The following IARS2 variants were observed in gnomAD, a reference collection of about 807,000 sequenced individuals.
The protein encoded by IARS2 is isoleucine--tRNA ligase, mitochondrial.
In IARS2, 56 loss-of-function variants were observed where a neutral mutation model predicts 126.3. The observed-to-expected ratio is 0.44, with a 90% CI of 0.36 to 0.55. The LOEUF is 0.55. Among genes scored for constraint, IARS2 ranks in the 20% least tolerant of loss-of-function variants. The probability of loss-of-function intolerance (pLI) is 0.00; values close to 1 mark genes in which losing one functional copy is unlikely to be tolerated. For synonymous variants in IARS2, 407 were observed against 441.1 expected (o/e 0.92, Z 0.97); for missense variants, 1,127 against 1,245.9 (o/e 0.90, Z 1.44).
In IARS2 at chr1:220,102,118, C is replaced by CT. The variant is rs574253271; in HGVS notation, c.551-3dup. On this transcript the variant is annotated splice_polypyrimidine_tract_variant and intron_variant, in intron 3 of 22. Coordinates refer to ENST00000366922, the MANE Select transcript of IARS2 (RefSeq NM_018060.4). ...TGGTTTTTTAAAATCTTTTTTTCGT[C>CT]TTTTTTTTAGCTAGATCATTTGCTA... 3.3e-5 allele frequency: 52 copies of CT among 1,585,262 alleles called. No homozygotes were observed. Among genetic ancestry groups the CT allele is most frequent in the South Asian group, 7.0e-5 (6 of 85,934 alleles).
rs200410224 is a variant in IARS2, at chr1:220,125,228, C to T, written c.1641-9C>T. 15 of 1,572,362 alleles carry T rather than the reference C, an allele frequency of 9.5e-6. No homozygotes were observed. Among genetic ancestry groups the T allele is most frequent in the African/African-American group, 2.7e-5 (2 of 74,292 alleles). Reference sequence around the variant, plus strand: ...ATTGAATAATTCTGCCATGTCCCCCCTGAAATAGCCAAACCACTGAGCATA... The same window carrying T: ...ATTGAATAATTCTGCCATGTCCCCCTTGAAATAGCCAAACCACTGAGCATA... On this transcript the variant is annotated splice_polypyrimidine_tract_variant and intron_variant, in intron 12 of 22. Coordinates refer to ENST00000366922, the MANE Select transcript of IARS2 (RefSeq NM_018060.4).
chr1:220,128,201 G>T (rs1657191064), intron 14 of IARS2, among the ~76,000 whole-genome samples: 1 of 135,096 alleles, frequency 7.4e-6, no homozygotes, highest in Admixed American at 8.6e-5. Flanking sequence ...TTTCAGCAGG[G>T]CCAACTGTGG....
chr1:220,097,573 C>T (rs1656472878), intron 2 of IARS2, among the ~76,000 whole-genome samples: 1 of 151,688 alleles, frequency 6.6e-6, no homozygotes, highest in African/African-American at 2.4e-5. Context: ...CTGTGTTAGC[C>T]AGGATGGTCT....
intron 14 of IARS2, among the ~76,000 whole-genome samples, chr1:220,132,548 T>G (rs1445869637): frequency 6.9e-6 from 1 of 145,026 alleles, no homozygotes; most frequent in Non-Finnish European, 1.5e-5. Context: ...TTTTTTGAGA[T>G]GGAGTCTTGC....
intron 14 of IARS2, among the ~76,000 whole-genome samples, chr1:220,127,545 C>T (rs1302630877): frequency 2.6e-5 from 4 of 152,148 alleles, no homozygotes. Flanking sequence ...AAGAACAAGG[C>T]TTGTTATCAC....
Position 220,126,746 on chromosome 1 carries a change from C to T in IARS2, c.1744-4C>T. 6.2e-7 allele frequency: 1 copy of T among 1,609,144 alleles called. No individual in the cohort carries two copies. The highest frequency in any genetic ancestry group is 8.5e-7 in the Non-Finnish European group (1 of 1,176,386). On this transcript the variant is annotated splice_region_variant and splice_polypyrimidine_tract_variant and intron_variant, in intron 13 of 22. Coordinates refer to ENST00000366922, the MANE Select transcript of IARS2 (RefSeq NM_018060.4). ...CCTGACATGCTTTTGCATTATCTTA[C>T]TAGGTTGGTGGCCCTGATGCCTTGG...
At chr1:220,099,079 G>A (rs1330847613) in intron 2 of IARS2, among the ~76,000 whole-genome samples, 7 of 152,056 alleles carry the variant, frequency 4.6e-5, no homozygotes, top group Admixed American at 3.9e-4. Flanking sequence ...TGGGCATGGT[G>A]GCATGTGCCT....
Position 220,094,488 on chromosome 1 carries a change from G to A in IARS2, c.267+5G>A, listed in dbSNP as rs117860947. On this transcript the variant is annotated splice_donor_5th_base_variant and intron_variant, in intron 1 of 22. Coordinates refer to ENST00000366922, the MANE Select transcript of IARS2 (RefSeq NM_018060.4). ...ACGGAGCTGGAGATCCAGCAGGTAC[G>A]GGCCCCGCCTCGGCGCGGGGCCTCC... The A allele has an allele frequency of 6.3e-7, 1 of 1,589,734 alleles. No homozygotes were observed.
chr1:220,131,196 A>G (rs1391836600), intron 14 of IARS2, among the ~76,000 whole-genome samples: 1 of 151,482 alleles, frequency 6.6e-6, no homozygotes, highest in Non-Finnish European at 1.5e-5. Context: ...TATTTATTTG[A>G]GACAGAGTCT....
At chr1:220,106,195 C>T (rs2102820456) in intron 9 of IARS2, 135 bp downstream of exon 9, 2 of 639,094 alleles carry the variant, frequency 3.1e-6, no homozygotes, top group South Asian at 6.7e-5. Flanking sequence ...TTGTGTAGTA[C>T]TCTAAAGTTT....
intron 14 of IARS2, among the ~76,000 whole-genome samples, chr1:220,128,120 T>C (rs1308093788): frequency 6.6e-6 from 1 of 152,036 alleles, no homozygotes. Context: ...GAAATGCAGA[T>C]GGAAAATATA....
chr1:220,098,358 A>G (rs1656492811), intron 2 of IARS2, among the ~76,000 whole-genome samples: 1 of 152,170 alleles, frequency 6.6e-6, no homozygotes. Flanking sequence ...GCATCACCAG[A>G]ATATTCACAT....
rs946978177 is a variant in IARS2, at chr1:220,094,135, C to T, written c.-82C>T. ...CCCGGAGCGCGTGCGCCCTCTTACTCGGCTCCCCTTGGTTTCCTGGGGTCC... is the reference window on the plus strand; with the variant it reads ...CCCGGAGCGCGTGCGCCCTCTTACTTGGCTCCCCTTGGTTTCCTGGGGTCC... On this transcript the variant is annotated 5_prime_UTR_variant, in exon 1 of 23. Coordinates refer to ENST00000366922, the MANE Select transcript of IARS2 (RefSeq NM_018060.4). 132 of 1,218,360 alleles carry T rather than the reference C, an allele frequency of 1.1e-4. No individual in the cohort carries two copies. The highest frequency in any genetic ancestry group is 1.4e-4 in the Non-Finnish European group (130 of 948,830). The allele number at this position is 1,218,360 out of a possible 1,614,324, so 75.5% of individuals were successfully genotyped here.
Position 220,136,888 on chromosome 1 carries a change from G to C in IARS2, c.2026G>C (p.Asp676His). The change falls in exon 16 of 23, where the codon GAT becomes CAT. Residue 676 changes from aspartate (D) to histidine (H), a missense_variant. By Grantham distance (81) the Asp-to-His change is moderately conservative. Transcript: ENST00000366922. Reference protein sequence around the residue: ...SKSLGNVIHPDVVVNGGQDQS... With the variant: ...SKSLGNVIHPHVVVNGGQDQS... ...GTCTCTTGGGAATGTCATTCATCCT[G>C]ATGTTGTCGTTAATGGAGGACAAGT... 1 of 1,607,804 alleles carries C rather than the reference G, an allele frequency of 6.2e-7. No individual in the cohort carries two copies. Among genetic ancestry groups the C allele is most frequent in the Non-Finnish European group, 8.5e-7 (1 of 1,175,264 alleles).
At chr1:220,112,781 A>T (rs1324727879) in intron 11 of IARS2, among the ~76,000 whole-genome samples, 1 of 151,874 alleles carries the variant, frequency 6.6e-6, no homozygotes, top group Non-Finnish European at 1.5e-5. Flanking sequence ...TTGGTGTCGA[A>T]CTCCTGAGCT....
Position 220,105,963 on chromosome 1 carries a change from A to G in IARS2, c.1139A>G (p.Asn380Ser), listed in dbSNP as rs756590905. 2 of 1,614,064 alleles carry G rather than the reference A, an allele frequency of 1.2e-6. No individual in the cohort carries two copies. The highest frequency in any genetic ancestry group is 2.2e-5 in the South Asian group (2 of 91,080). Residue 380 changes from asparagine to serine, a missense_variant, in exon 9 of 23, where the codon AAT becomes AGT. Coordinates refer to ENST00000366922, the MANE Select transcript of IARS2 (RefSeq NM_018060.4). ...AAAGCCTCTCCTCTTTTACCTGCAA[A>G]TCATGTGACCATGGCAAAAGGAACG... ...PDKASPLLPA[N>S]HVTMAKGTGL...
chr1:220,101,925 C>T (rs1294584014), intron 3 of IARS2, among the ~76,000 whole-genome samples: 3 of 152,032 alleles, frequency 2.0e-5, no homozygotes, highest in Admixed American at 2.0e-4. Context: ...GGCGTGAACC[C>T]GGGAGGCAGA....
At chr1:220,102,040 C>A in intron 3 of IARS2, 89 bp from the exon 4 acceptor site, 1 of 1,248,558 alleles carries the variant, frequency 8.0e-7, no homozygotes, top group Middle Eastern at 2.6e-4. Flanking sequence ...CTGTCTGTAG[C>A]ATTTGCATTT....
rs756561067 is a variant in IARS2 at position 220,143,129 on chromosome 1, A to G, written c.2746A>G (p.Ile916Val). 3 of 1,611,516 alleles carry G rather than the reference A, an allele frequency of 1.9e-6. No individual in the cohort carries two copies. The highest frequency in any genetic ancestry group is 1.3e-5 in the African/African-American group (1 of 74,888). ...AGAACCTGGACTGCTTTTTGAGATA[A>G]TAGAGGTATGCAGCAATATGTACCT... ...VIEPGLLFEI[I>V]EMLQSEETSS... Residue 916 changes from isoleucine to valine, a missense_variant, in exon 21 of 23, where the codon ATA (isoleucine) becomes GTA (valine). Ile to Val is a conservative substitution (Grantham distance 29). Coordinates refer to ENST00000366922, the MANE Select transcript of IARS2 (RefSeq NM_018060.4).
Sources: gnomAD v4.1 joint callset for allele counts (sites outside exome capture counted in the v4.1 genomes callset) on GRCh38, gnomAD v4.1.1 for gene constraint, MANE v1.5 for transcripts, NCBI Gene and HGNC (gene_info 2026-07-23, HGNC 2026-07-21) for gene names.